Variants in ADAM12 observed in about 807,000 individuals in gnomAD.
The protein encoded by ADAM12 is disintegrin and metalloproteinase domain-containing protein 12.
ADAM12 carries 70 observed loss-of-function variants against 106.4 expected under a neutral mutation model. That is an observed-to-expected ratio of 0.66 (90% confidence interval 0.54 to 0.80). The LOEUF is 0.80. ADAM12 is among the 30% of genes least tolerant of loss of function. The pLI is 0.00. For missense variants in ADAM12, 1,010 were observed against 1,171.9 expected, an observed-to-expected ratio of 0.86 and a Z score of 2.02; for synonymous variants, 420 against 433.5, an observed-to-expected ratio of 0.97 and a Z score of 0.39.
intron 3 of ADAM12, among the ~76,000 whole-genome samples, chr10:126,157,966 G>T (rs1416867475): frequency 1.3e-5 from 2 of 152,228 alleles, no homozygotes; most frequent in Non-Finnish European, 2.9e-5. Flanking sequence ...GCTCCAGGAT[G>T]GTGGAGGAGT....
intron 3 of ADAM12, among the ~76,000 whole-genome samples, chr10:126,212,616 C>T (rs1957922306): frequency 6.6e-6 from 1 of 152,046 alleles, no homozygotes; most frequent in Admixed American, 6.5e-5. Context: ...GAAAACTGGG[C>T]TATCTTGGTT....
At chr10:126,201,353 C>G (rs892907361) in intron 3 of ADAM12, among the ~76,000 whole-genome samples, 8 of 151,972 alleles carry the variant, frequency 5.3e-5, no homozygotes, top group African/African-American at 7.3e-5. Context: ...TGAGACGAAA[C>G]AGAGATACAG....
In ADAM12 at chr10:126,036,241, T is replaced by A. The variant is rs775075249; in HGVS notation, c.2434A>T (p.Thr812Ser). 1 of 1,548,668 alleles carries A rather than the reference T, an allele frequency of 6.5e-7. No homozygotes were observed. Among genetic ancestry groups the A allele is most frequent in the Non-Finnish European group, 8.7e-7 (1 of 1,153,228 alleles). The change falls in exon 21 of 23, where the codon ACT (threonine) becomes TCT (serine). Residue 812 changes from threonine to serine, a missense_variant. Physicochemically the swap from Thr to Ser is moderately conservative, Grantham distance 58. Coordinates refer to ENST00000448723, the MANE Select transcript of ADAM12 (RefSeq NM_001288973.2). Reference protein sequence around the residue: ...NGLNVPQPQSTQRVLPPLHRA... With the variant: ...NGLNVPQPQSSQRVLPPLHRA... Reference sequence around the variant, plus strand: ...TGGAGGGGAGGAAGCACTCGCTGAGTTGACTGGGGCTGAGGGACATTCAGG... The same window carrying A: ...TGGAGGGGAGGAAGCACTCGCTGAGATGACTGGGGCTGAGGGACATTCAGG...
chr10:126,302,526 C>T (rs1960668746), intron 2 of ADAM12, among the ~76,000 whole-genome samples: 1 of 152,160 alleles, frequency 6.6e-6, no homozygotes, highest in African/African-American at 2.4e-5. Flanking sequence ...GATTTCACCC[C>T]TTTCGTGAGG....
intron 2 of ADAM12, among the ~76,000 whole-genome samples, chr10:126,309,098 G>C (rs370539525): frequency 1.2e-4 from 19 of 152,296 alleles, no homozygotes; most frequent in East Asian, 5.8e-4. Flanking sequence ...TATGCCAAGA[G>C]TGGACACATG....
At chr10:126,387,215 G>A (rs917184939) in intron 1 of ADAM12, among the ~76,000 whole-genome samples, 6 of 152,216 alleles carry the variant, frequency 3.9e-5, no homozygotes, top group African/African-American at 1.4e-4. Flanking sequence ...ACCCGGGGAA[G>A]TTGCCGGATT....
At chr10:126,173,214 C>T (rs541482202) in intron 3 of ADAM12, among the ~76,000 whole-genome samples, 20 of 152,044 alleles carry the variant, frequency 1.3e-4, no homozygotes, top group Admixed American at 1.3e-3. Flanking sequence ...ATGTAACGAA[C>T]CTGCACGTTC....
intron 3 of ADAM12, among the ~76,000 whole-genome samples, chr10:126,192,142 C>G (rs2133804927): frequency 6.6e-6 from 1 of 152,322 alleles, no homozygotes; most frequent in South Asian, 2.1e-4. Flanking sequence ...GGTGGGGACA[C>G]AGATCCAAAC....
chr10:126,259,924 T>G (rs1958967058), intron 3 of ADAM12, among the ~76,000 whole-genome samples: 1 of 152,162 alleles, frequency 6.6e-6, no homozygotes, highest in Admixed American at 6.5e-5. Context: ...CTGGTTTAGG[T>G]GTCTGTCACA....
intron 1 of ADAM12, among the ~76,000 whole-genome samples, chr10:126,331,338 T>G (rs1854504776): frequency 6.6e-6 from 1 of 152,178 alleles, no homozygotes; most frequent in African/African-American, 2.4e-5. Flanking sequence ...CCTCACATGT[T>G]ATTCCCATTT....
intron 2 of ADAM12, among the ~76,000 whole-genome samples, chr10:126,280,402 T>A (rs1959515834): frequency 6.6e-6 from 1 of 152,172 alleles, no homozygotes; most frequent in African/African-American, 2.4e-5. Flanking sequence ...TTTAAGTTAA[T>A]TAAAACGAAA....
At chr10:126,258,059 A>G (rs1308091756) in intron 3 of ADAM12, among the ~76,000 whole-genome samples, 1 of 152,172 alleles carries the variant, frequency 6.6e-6, no homozygotes, top group East Asian at 1.9e-4. Context: ...TTTATATTCA[A>G]TTTTCACCTC....
intron 3 of ADAM12, among the ~76,000 whole-genome samples, chr10:126,248,321 G>A (rs1342653811): frequency 1.3e-5 from 2 of 152,194 alleles, no homozygotes; most frequent in Non-Finnish European, 2.9e-5. Context: ...CCCCTGATAT[G>A]AGAGCACTTA....
intron 3 of ADAM12, among the ~76,000 whole-genome samples, chr10:126,222,290 G>A (rs1301761028): frequency 2.0e-5 from 3 of 151,964 alleles, no homozygotes; most frequent in African/African-American, 7.3e-5. Context: ...CTCATTCAGG[G>A]CAATTCGCCT....
chr10:126,041,158 T>C (rs1487745279), intron 18 of ADAM12, among the ~76,000 whole-genome samples: 2 of 152,020 alleles, frequency 1.3e-5, no homozygotes, highest in Non-Finnish European at 2.9e-5. Flanking sequence ...GTCGTACCCC[T>C]CACTTATGCC....
chr10:126,282,012 G>T (rs1395387310), intron 2 of ADAM12, among the ~76,000 whole-genome samples: 4 of 152,242 alleles, frequency 2.6e-5, no homozygotes, highest in Admixed American at 6.5e-5. Flanking sequence ...GTATTAGTTT[G>T]GTGGGGCTGT....
intron 3 of ADAM12, among the ~76,000 whole-genome samples, chr10:126,252,011 T>TA (rs1958786639): frequency 9.7e-4 from 1 of 1,026 alleles, no homozygotes; most frequent in Non-Finnish European, 2.2e-3. Flanking sequence ...GATGGATAAA[T>TA]GGATGGATGG....
chr10:126,374,432 T>G (rs1444189864), intron 1 of ADAM12, among the ~76,000 whole-genome samples: 1 of 152,074 alleles, frequency 6.6e-6, no homozygotes. Flanking sequence ...AAATCCCAAA[T>G]TATTAAAGAC....
At chr10:126,042,067 G>A in intron 18 of ADAM12, 1 of 1,578,528 alleles carries the variant, frequency 6.3e-7, no homozygotes, top group Non-Finnish European at 8.6e-7. Flanking sequence ...AGTCACAGGA[G>A]GCCTTGGGGA....
Sources: gnomAD v4.1 joint callset for allele counts (sites outside exome capture counted in the v4.1 genomes callset) on GRCh38, gnomAD v4.1.1 for gene constraint, MANE v1.5 for transcripts, NCBI Gene and HGNC (gene_info 2026-07-23, HGNC 2026-07-21) for gene names.